The following MAGI1 variants were observed in gnomAD, a reference collection of about 807,000 sequenced individuals.
MAGI1 encodes membrane associated guanylate kinase, WW and PDZ domain containing 1.
Under a neutral mutation model 139.9 loss-of-function variants are expected in MAGI1, and 58 were observed. The observed-to-expected ratio is 0.41, with a 90% confidence interval of 0.34 to 0.52. MAGI1 has a LOEUF of 0.52. MAGI1 is among the 20% of genes least tolerant of loss of function. The pLI, the probability that MAGI1 is intolerant of heterozygous loss-of-function variation, is 0.12. For synonymous variants in MAGI1, 812 were observed against 737.9 expected (o/e 1.10, Z -1.63); for missense variants, 1,874 against 1,901.6 (o/e 0.99, Z 0.27).
intron 5 of MAGI1, among the ~76,000 whole-genome samples, chr3:65,466,591 C>T (rs997936046): frequency 6.6e-6 from 1 of 152,276 alleles, no homozygotes; most frequent in Admixed American, 6.5e-5. Flanking sequence ...TCTGACTCCA[C>T]AGGGAGAGGG....
chr3:65,379,358 C>CACCACGGTGCTG lies in MAGI1; in HGVS notation c.2886_2897dup (p.Ser963_Val966dup). On this transcript the variant is annotated inframe_insertion, in exon 17 of 23. Transcript: ENST00000402939. ...GCCGGATCTCCACGTCGTAGGGCTG[C>CACCACGGTGCTG]ACCACGGTGCTGACCACGCCGCTGC... is the stretch of plus-strand genomic sequence containing the variant. 2 of 1,613,174 alleles carry CACCACGGTGCTG rather than the reference C, an allele frequency of 1.2e-6. No individual in the cohort carries two copies. The highest frequency in any genetic ancestry group is 2.2e-5 in the East Asian group (1 of 44,840).
Position 65,737,073 on chromosome 3 carries a change from C to G in MAGI1, c.314-114985G>C, listed in dbSNP as rs566997074. On this transcript the variant is annotated intron_variant, in intron 1 of 22. Coordinates refer to ENST00000402939, the MANE Select transcript of MAGI1 (RefSeq NM_001033057.2). ...AGGCTGGAGTGCAGTGGCGCGATCT[C>G]GGCTCACTACAAGCTCCACCTCCTG... Among the ~76,000 whole-genome samples the G allele has an allele frequency of 9.9e-5, 15 of 151,944 alleles. No homozygotes were observed. The South Asian group carries it at 2.1e-3, about 21-fold the overall frequency.
At chr3:65,457,091 G>C (rs1218074131) in intron 5 of MAGI1, among the ~76,000 whole-genome samples, 2 of 152,070 alleles carry the variant, frequency 1.3e-5, no homozygotes, top group African/African-American at 4.8e-5. Context: ...AAAAGACTGA[G>C]ATTTTGACAG....
Position 65,673,312 on chromosome 3 carries a change from C to T in MAGI1, c.314-51224G>A, listed in dbSNP as rs78260898. 7.7e-3 allele frequency among the ~76,000 whole-genome samples: 1,173 copies of T among 152,312 alleles called. 11 individuals carry two copies. The highest frequency in any genetic ancestry group is 0.027 in the African/African-American group (1,116 of 41,578). ...GCCTAAAATAACTGCCTCAAATTTCCTGATGTCTTAGTTTATCTTAAACTT... is the reference window on the plus strand; with the variant it reads ...GCCTAAAATAACTGCCTCAAATTTCTTGATGTCTTAGTTTATCTTAAACTT... On this transcript the variant is annotated intron_variant, in intron 1 of 22. Coordinates refer to ENST00000402939, the MANE Select transcript of MAGI1 (RefSeq NM_001033057.2).
intron 1 of MAGI1, among the ~76,000 whole-genome samples, chr3:65,910,263 C>G (rs879618157): frequency 6.6e-6 from 1 of 152,058 alleles, no homozygotes; most frequent in East Asian, 1.9e-4. Flanking sequence ...TTACAGAGTA[C>G]TTTTGTTAAG....
chr3:65,879,154 C>G (rs2060230922), intron 1 of MAGI1, among the ~76,000 whole-genome samples: 1 of 151,880 alleles, frequency 6.6e-6, no homozygotes, highest in Non-Finnish European at 1.5e-5. Flanking sequence ...GGGAGTGACT[C>G]AGCTCATCAA....
chr3:65,877,058 A>C (rs1199607604), intron 1 of MAGI1, among the ~76,000 whole-genome samples: 1 of 152,132 alleles, frequency 6.6e-6, no homozygotes, highest in Admixed American at 6.5e-5. Flanking sequence ...TCTAATTTTT[A>C]AGTAAAAATT....
At chr3:65,409,051 C>G (rs1430386768) in intron 12 of MAGI1, among the ~76,000 whole-genome samples, 3 of 152,198 alleles carry the variant, frequency 2.0e-5, no homozygotes, top group Non-Finnish European at 2.9e-5. Context: ...GGTGATCATG[C>G]AAGCCTTTCT....
intron 2 of MAGI1, among the ~76,000 whole-genome samples, chr3:65,495,378 T>C (rs1006627612): frequency 6.6e-6 from 1 of 152,218 alleles, no homozygotes; most frequent in African/African-American, 2.4e-5. Flanking sequence ...TTAGAATGAA[T>C]TGATAGAATC....
intron 1 of MAGI1, among the ~76,000 whole-genome samples, chr3:65,936,972 ATGGTGGTGG>A (rs1322277346): frequency 6.7e-6 from 1 of 149,824 alleles, no homozygotes; most frequent in African/African-American, 2.5e-5. Context: ...GGTGGTGGTG[ATGGTGGTGG>A]TGGTGGTGAT....
chr3:65,505,650 A>AATAATAATC (rs1163791803), intron 2 of MAGI1, among the ~76,000 whole-genome samples: 1 of 149,448 alleles, frequency 6.7e-6, no homozygotes, highest in African/African-American at 2.4e-5. Flanking sequence ...TAATAATAAT[A>AATAATAATC]ATAATAATAA....
chr3:66,001,572 T>C (rs1225046040), intron 1 of MAGI1, among the ~76,000 whole-genome samples: 2 of 151,194 alleles, frequency 1.3e-5, no homozygotes, highest in African/African-American at 4.8e-5. Flanking sequence ...ATTATCCCTG[T>C]TTTATACAGG....
At chr3:65,481,938 T>C (rs1424542786) in intron 3 of MAGI1, among the ~76,000 whole-genome samples, 1 of 152,232 alleles carries the variant, frequency 6.6e-6, no homozygotes, top group Non-Finnish European at 1.5e-5. Flanking sequence ...TCACAATGGT[T>C]TCCTGTTTCT....
intron 6 of MAGI1, among the ~76,000 whole-genome samples, chr3:65,451,252 G>A (rs921831776): frequency 2.0e-5 from 3 of 152,056 alleles, no homozygotes; most frequent in Non-Finnish European, 4.4e-5. Flanking sequence ...TTATAATATT[G>A]TATTAACAAG....
chr3:65,949,375 T>G (rs1243055761), intron 1 of MAGI1, among the ~76,000 whole-genome samples: 3 of 152,242 alleles, frequency 2.0e-5, no homozygotes, highest in Non-Finnish European at 4.4e-5. Context: ...AAGTTCCTGT[T>G]AGGTGCAGAC....
At chr3:65,598,783 T>C (rs997736323) in intron 2 of MAGI1, among the ~76,000 whole-genome samples, 2 of 152,190 alleles carry the variant, frequency 1.3e-5, no homozygotes, top group Admixed American at 1.3e-4. Context: ...GCTGCCTCTT[T>C]AAAAGATTCT....
At chr3:65,423,373 T>C (rs565207941) in intron 12 of MAGI1, among the ~76,000 whole-genome samples, 1 of 145,906 alleles carries the variant, frequency 6.9e-6, no homozygotes, top group Non-Finnish European at 1.5e-5. Flanking sequence ...CACACGTGCG[T>C]GCACACACGC....
Position 65,540,059 on chromosome 3 carries a change from A to T in MAGI1, c.431-46428T>A, listed in dbSNP as rs368005657. Among the ~76,000 whole-genome samples the T allele has an allele frequency of 3.3e-5, 5 of 152,350 alleles. No homozygotes were observed. The South Asian group carries it at 1.0e-3, about 32-fold the overall frequency. ...AGAGCTTTCTCATAAGATCAATGGGAATATTAAACAACATATGGAAAGTGC... is the reference window on the plus strand; with the variant it reads ...AGAGCTTTCTCATAAGATCAATGGGTATATTAAACAACATATGGAAAGTGC... On this transcript the variant is annotated intron_variant, in intron 2 of 22. Transcript: ENST00000402939.
At chr3:65,754,777 G>T (rs1247398865) in intron 1 of MAGI1, among the ~76,000 whole-genome samples, 1 of 152,112 alleles carries the variant, frequency 6.6e-6, no homozygotes, top group African/African-American at 2.4e-5. Context: ...AACCAGTTTG[G>T]ATTACTGTCC....
Sources: allele counts gnomAD v4.1 joint callset (sites outside exome capture counted in the v4.1 genomes callset), GRCh38; gene constraint gnomAD v4.1.1; transcripts MANE v1.5; gene names NCBI Gene and HGNC (gene_info 2026-07-23, HGNC 2026-07-21).